The following TAS2R1 variants were observed in gnomAD, a reference collection of about 807,000 sequenced individuals.
The protein encoded by TAS2R1 is taste receptor type 2 member 1.
For missense variants in TAS2R1, 370 were observed against 353.4 expected (o/e 1.05, Z -0.38); for synonymous variants, 141 against 134.2 (o/e 1.05, Z -0.35).
chr5:9,698,456 C>G (rs1474697527), intron 1 of TAS2R1, among the ~76,000 whole-genome samples: 1 of 152,086 alleles, frequency 6.6e-6, no homozygotes, highest in African/African-American at 2.4e-5. Context: ...CCCAAAATTC[C>G]TGAGCGATAT....
At chr5:9,656,132 G>A (rs1041028077) in intron 2 of TAS2R1, among the ~76,000 whole-genome samples, 6 of 152,134 alleles carry the variant, frequency 3.9e-5, no homozygotes, top group African/African-American at 1.4e-4. Flanking sequence ...TACAGTCCAA[G>A]TGCCTACCAA....
upstream of TAS2R1, among the ~76,000 whole-genome samples, chr5:9,713,591 G>A (rs1340255424): frequency 6.6e-6 from 1 of 152,130 alleles, no homozygotes; most frequent in Admixed American, 6.5e-5. Context: ...CACATGCGGT[G>A]CCTGTTGCTA....
chr5:9,803,382 G>A, the TAS2R1 span, among the ~76,000 whole-genome samples: 1 of 152,134 alleles, frequency 6.6e-6, no homozygotes, highest in Admixed American at 6.5e-5. Context: ...AATATAAGAA[G>A]CTCAAAGAAC....
upstream of TAS2R1, chr5:9,712,974 TGGCCCTGGTCATGCCACCCCCTTCCACCA>T (rs776511350): frequency 6.6e-6 from 1 of 152,304 alleles, no homozygotes; most frequent in Non-Finnish European, 1.5e-5. Flanking sequence ...GTCATGCACT[TGGCCCTGGTCATGCCACCCCCTTCCACCA>T]GGACATCTTG....
Position 9,628,849 on chromosome 5 carries a change from T to C in TAS2R1, c.*284A>G. The C allele has an allele frequency of 3.4e-6, 1 of 292,648 alleles. No homozygotes were observed. The highest frequency in any genetic ancestry group is 2.2e-5 in the African/African-American group (1 of 46,450). 18.1% of individuals were successfully genotyped at this position (292,648 alleles called of 1,614,324 possible). A position where few individuals can be genotyped will look rare whatever the true frequency, so the allele number is the denominator to read the frequency against. ...AGGAATACAGAAAGACCCTGAACCA[T>C]TTACTCAGTTTTCCCAATGGTAACA... is the stretch of plus-strand genomic sequence containing the variant. On this transcript the variant is annotated 3_prime_UTR_variant, in exon 1 of 1. Coordinates refer to ENST00000382492, the MANE Select transcript of TAS2R1 (RefSeq NM_019599.3).
intron 1 of TAS2R1, among the ~76,000 whole-genome samples, chr5:9,670,642 G>C: frequency 6.6e-6 from 1 of 152,164 alleles, no homozygotes; most frequent in Non-Finnish European, 1.5e-5. Context: ...AACTGAAGCA[G>C]TAATAAAAAG....
chr5:9,648,584 C>T (rs1740242511), intron 2 of TAS2R1, among the ~76,000 whole-genome samples: 1 of 151,950 alleles, frequency 6.6e-6, no homozygotes, highest in African/African-American at 2.4e-5. Flanking sequence ...CACATTCATT[C>T]ATACTGGGAG....
In TAS2R1 at chr5:9,628,931, T is replaced by C. The variant is rs1044939950; in HGVS notation, c.*202A>G. ...AGGATATTGAAATTGATGTAATCCA[T>C]CAACATATGTTGTGCTTTCAAAATC... On this transcript the variant is annotated 3_prime_UTR_variant, in exon 1 of 1. Coordinates refer to ENST00000382492, the MANE Select transcript of TAS2R1 (RefSeq NM_019599.3). 24 of 461,488 alleles carry C rather than the reference T, an allele frequency of 5.2e-5. No homozygotes were observed. Among genetic ancestry groups the C allele is most frequent in the Non-Finnish European group, 8.9e-5 (24 of 268,264 alleles). The allele number at this position is 461,488 out of a possible 1,614,324, so 28.6% of individuals were successfully genotyped here. A position where few individuals can be genotyped will look rare whatever the true frequency, so the allele number is the denominator to read the frequency against.
chr5:9,800,309 T>C, the TAS2R1 span, among the ~76,000 whole-genome samples: 1 of 152,244 alleles, frequency 6.6e-6, no homozygotes, highest in Non-Finnish European at 1.5e-5. Flanking sequence ...TTTGGGTTCA[T>C]ATCTCTGGGA....
chr5:9,757,112 G>T, the TAS2R1 span, among the ~76,000 whole-genome samples: 1 of 152,102 alleles, frequency 6.6e-6, no homozygotes, highest in African/African-American at 2.4e-5. Context: ...TCAAACCAAG[G>T]AAATAAACCC....
intron 1 of TAS2R1, among the ~76,000 whole-genome samples, chr5:9,696,461 T>C (rs893141486): frequency 1.0e-4 from 15 of 148,712 alleles, no homozygotes; most frequent in African/African-American, 2.5e-5. Flanking sequence ...ACTTGGGAGG[T>C]TGAGGCAGGA....
chr5:9,851,342 C>T, the TAS2R1 span, among the ~76,000 whole-genome samples: 5 of 152,150 alleles, frequency 3.3e-5, no homozygotes, highest in African/African-American at 4.8e-5. Context: ...GAGCAGCCAA[C>T]ATGGCCTTTG....
chr5:9,635,672 T>G (rs1739950648), intron 2 of TAS2R1, among the ~76,000 whole-genome samples: 4 of 152,002 alleles, frequency 2.6e-5, no homozygotes, highest in Middle Eastern at 3.4e-3. Flanking sequence ...TGACTTAAGC[T>G]GGAGAATTGT....
At chr5:9,877,355 C>A in the TAS2R1 span, among the ~76,000 whole-genome samples, 1 of 152,162 alleles carries the variant, frequency 6.6e-6, no homozygotes, top group Non-Finnish European at 1.5e-5. Flanking sequence ...TTAGAAAACT[C>A]TTTCTATATG....
the TAS2R1 span, among the ~76,000 whole-genome samples, chr5:9,882,100 A>G: frequency 6.6e-6 from 1 of 152,226 alleles, no homozygotes; most frequent in African/African-American, 2.4e-5. Flanking sequence ...AATTTTTGCA[A>G]TCTATCCATC....
rs1374607992 is a variant in TAS2R1, at chr5:9,664,845, C to T, written c.-241-5264G>A. On this transcript the variant is annotated intron_variant, in intron 1 of 2. Transcript: ENST00000506620. ...ATTTAACTTACTATGTTTCGGGCAC[C>T]ATGATTTCATTTAATCTTCAGGGAA... Among the ~76,000 whole-genome samples, 3 of 152,120 alleles carry T rather than the reference C, an allele frequency of 2.0e-5. No individual in the cohort carries two copies. In the East Asian group the frequency reaches 5.8e-4, roughly 29 times the overall value.
At chr5:9,817,474 AG>A in the TAS2R1 span, among the ~76,000 whole-genome samples, 1 of 152,240 alleles carries the variant, frequency 6.6e-6, no homozygotes, top group Non-Finnish European at 1.5e-5. Context: ...TCAAACTGGA[AG>A]AAATTTAAAT....
At chr5:9,756,999 A>T in the TAS2R1 span, among the ~76,000 whole-genome samples, 32 of 152,338 alleles carry the variant, frequency 2.1e-4, no homozygotes, top group Admixed American at 1.6e-3. Context: ...ACACACATAA[A>T]GCACAGAAAA....
chr5:9,716,887 C>G (rs1267356730), upstream of TAS2R1, among the ~76,000 whole-genome samples: 1 of 152,102 alleles, frequency 6.6e-6, no homozygotes, highest in Non-Finnish European at 1.5e-5. Context: ...CCTACCAAAC[C>G]AGCCATACGA....
Sources: gnomAD v4.1 joint callset for allele counts (sites outside exome capture counted in the v4.1 genomes callset) on GRCh38, gnomAD v4.1.1 for gene constraint, MANE v1.5 for transcripts, NCBI Gene and HGNC (gene_info 2026-07-23, HGNC 2026-07-21) for gene names.